Variants in CACNA1A observed in about 807,000 individuals in gnomAD.
The protein encoded by CACNA1A is voltage-dependent P/Q-type calcium channel subunit alpha-1A.
Under a neutral mutation model 262.4 loss-of-function variants are expected in CACNA1A, and 57 were observed. That is an observed-to-expected ratio of 0.22 (90% CI 0.18 to 0.27). CACNA1A has a LOEUF of 0.27. Ranked by LOEUF, CACNA1A falls within the 10% of genes least tolerant of loss-of-function variation. The probability of loss-of-function intolerance (pLI) is 1.00; values close to 1 mark genes in which losing one functional copy is unlikely to be tolerated. For missense variants in CACNA1A, 2,526 were observed against 3,562.8 expected, an observed-to-expected ratio of 0.71 and a Z score of 7.41; for synonymous variants, 1,431 against 1,419.3, an observed-to-expected ratio of 1.01 and a Z score of -0.18.
At chr19:13,303,020 T>C (rs1004494975) in intron 17 of CACNA1A, among the ~76,000 whole-genome samples, 6 of 152,112 alleles carry the variant, frequency 3.9e-5, no homozygotes, top group Non-Finnish European at 8.8e-5. Context: ...GGAGGCTAGC[T>C]CTTAACATGC....
chr19:13,456,629 G>A (rs1181228140), intron 1 of CACNA1A, among the ~76,000 whole-genome samples: 2 of 151,750 alleles, frequency 1.3e-5, no homozygotes, highest in Non-Finnish European at 2.9e-5. Context: ...AGCCAAGATC[G>A]TGCCACTGCA....
chr19:13,269,956 G>A (rs993264184), intron 24 of CACNA1A, among the ~76,000 whole-genome samples: 2 of 152,214 alleles, frequency 1.3e-5, no homozygotes, highest in African/African-American at 4.8e-5. Context: ...AGAATGGCAA[G>A]GTTCCTTTCA....
chr19:13,210,575 G>A (rs1360546716), intron 44 of CACNA1A, 42 bp downstream of exon 44: 8 of 1,534,998 alleles, frequency 5.2e-6, no homozygotes, highest in Non-Finnish European at 7.0e-6. Flanking sequence ...GAGGAAGAGG[G>A]GGCCGGAGCC....
chr19:13,207,487 C>T lies in CACNA1A; in HGVS notation c.7347G>A (p.Gly2449=). Residue 2449 remains glycine, a synonymous_variant, in exon 47 of 47, where the codon GGG becomes GGA. Transcript: ENST00000360228. The surrounding 1 kb of genome is among the most constrained non-coding windows in gnomAD (Gnocchi z 5.7). ...AGGCCCGGGGAGTCCTGGGCGAGCG[C>T]CCGGTGGCGCCCGAGGACGCGTGTC... ...PVRHASSGAT[G]RSPRTPRASG... is the part of the protein sequence containing the mutation. 1 of 1,424,430 alleles carries T rather than the reference C, an allele frequency of 7.0e-7. No homozygotes were observed. The highest frequency in any genetic ancestry group is 9.1e-7 in the Non-Finnish European group (1 of 1,095,606). 88.2% of individuals were successfully genotyped at this position (1,424,430 alleles called of 1,614,324 possible). A position where few individuals can be genotyped will look rare whatever the true frequency, so the allele number is the denominator to read the frequency against.
Position 13,207,439 on chromosome 19 carries a change from A to C in CACNA1A, c.7395T>G (p.Pro2465=), listed in dbSNP as rs1399941606. 13 of 1,518,256 alleles carry C rather than the reference A, an allele frequency of 8.6e-6. No homozygotes were observed. The highest frequency in any genetic ancestry group is 2.6e-5 in the East Asian group (1 of 39,084). The allele number at this position is 1,518,256 out of a possible 1,614,324, so 94.0% of individuals were successfully genotyped here. ...PRASGPACAS[P]SRHGRRLPNG... is the part of the protein sequence containing the mutation. ...TGGGGAGTCGCCGGCCGTGCCGAGA[A>C]GGCGAGGCGCAGGCCGGGCCCGAGG... The change falls in exon 47 of 47, where the codon CCT becomes CCG. Residue 2465 remains proline (P), a synonymous_variant. Coordinates refer to ENST00000360228, the MANE Select transcript of CACNA1A (RefSeq NM_001127222.2). This position sits in a 1 kb window ranked among gnomAD's most constrained non-coding sequence, Gnocchi z 5.7.
At position 13,207,280 on chromosome 19, in the gene CACNA1A, TGG is replaced by T. The variant is rs747048875; in HGVS notation, c.*31_*32del. ...GGGTGGGGTGTGTGCGTGGGGTGCG[TGG>T]GGGGCCGGGCGGGCGCCACCTCGCC... On this transcript the variant is annotated 3_prime_UTR_variant, in exon 47 of 47. Coordinates refer to ENST00000360228, the MANE Select transcript of CACNA1A (RefSeq NM_001127222.2). This position sits in a 1 kb window ranked among gnomAD's most constrained non-coding sequence, Gnocchi z 5.7. 2.0e-6 allele frequency: 3 copies of T among 1,521,734 alleles called. No individual in the cohort carries two copies. Among genetic ancestry groups the T allele is most frequent in the Non-Finnish European group, 2.6e-6 (3 of 1,139,912 alleles). The allele number at this position is 1,521,734 out of a possible 1,614,324, so 94.3% of individuals were successfully genotyped here.
intron 3 of CACNA1A, among the ~76,000 whole-genome samples, chr19:13,399,492 C>T (rs2059863845): frequency 6.6e-6 from 1 of 151,818 alleles, no homozygotes; most frequent in Non-Finnish European, 1.5e-5. Flanking sequence ...CAAAATGAAC[C>T]TGAACCATAT....
chr19:13,207,311 G>C lies in CACNA1A; in HGVS notation c.*2C>G. 1 of 1,555,150 alleles carries C rather than the reference G, an allele frequency of 6.4e-7. No individual in the cohort carries two copies. Among genetic ancestry groups the C allele is most frequent in the Non-Finnish European group, 8.6e-7 (1 of 1,158,000 alleles). Reference sequence around the variant, plus strand: ...GCCGGGCGGGCGCCACCTCGCCCGGGCTTAGCACCAATCATCGTCACTCTC... The same window carrying C: ...GCCGGGCGGGCGCCACCTCGCCCGGCCTTAGCACCAATCATCGTCACTCTC... On this transcript the variant is annotated 3_prime_UTR_variant, in exon 47 of 47. Transcript: ENST00000360228. The surrounding 1 kb of genome is among the most constrained non-coding windows in gnomAD (Gnocchi z 5.7).
chr19:13,467,604 TTTC>T (rs1416802888), intron 1 of CACNA1A, among the ~76,000 whole-genome samples: 338 of 133,674 alleles, frequency 2.5e-3, no homozygotes, highest in Admixed American at 6.8e-3. Context: ...GACTTTTTCT[TTTC>T]TTTTTTTTTT....
At chr19:13,348,274 A>G (rs1247404666) in intron 6 of CACNA1A, among the ~76,000 whole-genome samples, 1 of 152,176 alleles carries the variant, frequency 6.6e-6, no homozygotes, top group Non-Finnish European at 1.5e-5. Context: ...TGCTTTTCTA[A>G]TTGACATTCA....
At chr19:13,320,276 A>AG (rs1600321519) in intron 10 of CACNA1A, among the ~76,000 whole-genome samples, 1 of 102,530 alleles carries the variant, frequency 9.8e-6, no homozygotes, top group African/African-American at 3.4e-5. Flanking sequence ...GAGAGAGAGA[A>AG]ACCACAGCAG....
chr19:13,242,484 CAG>C (rs2056106326), intron 31 of CACNA1A, among the ~76,000 whole-genome samples: 1 of 151,952 alleles, frequency 6.6e-6, no homozygotes, highest in South Asian at 2.1e-4. Context: ...TTAGTAGGGA[CAG>C]AGTTTCACCA....
At chr19:13,453,600 T>C (rs1025744326) in intron 2 of CACNA1A, among the ~76,000 whole-genome samples, 3 of 152,254 alleles carry the variant, frequency 2.0e-5, no homozygotes, top group Admixed American at 6.5e-5. Flanking sequence ...AGGTTTGGAA[T>C]AGGACTTCTG....
At chr19:13,434,682 A>C (rs2060579805) in intron 3 of CACNA1A, among the ~76,000 whole-genome samples, 1 of 152,178 alleles carries the variant, frequency 6.6e-6, no homozygotes, top group Admixed American at 6.5e-5. Flanking sequence ...AGGCCTTCCC[A>C]GAAGCTGAGC....
In CACNA1A at chr19:13,241,606, A is replaced by G. The variant is rs1367905293; in HGVS notation, c.4950+3576T>C. On this transcript the variant is annotated intron_variant, in intron 31 of 46. Transcript: ENST00000360228. The surrounding 1 kb of genome is among the most constrained non-coding windows in gnomAD (Gnocchi z 4.0). ...GGCGTGTTCAGCATTTTTTAGGTTG[A>G]TTTGTAACCAGTGCCAAAAAACCAA... 2 of 814,396 alleles carry G rather than the reference A, an allele frequency of 2.5e-6. No homozygotes were observed. Among genetic ancestry groups the G allele is most frequent in the Admixed American group, 4.2e-5 (2 of 47,770 alleles). 50.4% of individuals were successfully genotyped at this position (814,396 alleles called of 1,614,324 possible).
intron 7 of CACNA1A, among the ~76,000 whole-genome samples, chr19:13,335,571 T>A (rs898641010): frequency 3.9e-5 from 6 of 152,114 alleles, no homozygotes; most frequent in Non-Finnish European, 1.5e-5. Context: ...ACTATTGGTT[T>A]TTAAAAAAAA....
At chr19:13,465,733 C>T (rs1442568418) in intron 1 of CACNA1A, among the ~76,000 whole-genome samples, 1 of 152,180 alleles carries the variant, frequency 6.6e-6, no homozygotes, top group African/African-American at 2.4e-5. Context: ...AAGCGATCCG[C>T]CCACCTCAGC....
chr19:13,325,234 C>T (rs8102040), intron 10 of CACNA1A, among the ~76,000 whole-genome samples: 18,120 of 145,484 alleles, frequency 0.12, 2,146 homozygotes, highest in African/African-American at 0.31. Context: ...TACAGTGTCT[C>T]ACACCTGTAA....
intron 3 of CACNA1A, among the ~76,000 whole-genome samples, chr19:13,386,893 G>A (rs2059625099): frequency 6.6e-6 from 1 of 152,096 alleles, no homozygotes; most frequent in Non-Finnish European, 1.5e-5. Context: ...AAAGATGGAA[G>A]GACTCTTTGG....
Sources: allele counts gnomAD v4.1 joint callset (sites outside exome capture counted in the v4.1 genomes callset), GRCh38; gene constraint gnomAD v4.1.1; non-coding constraint Gnocchi (gnomAD v3.1); transcripts MANE v1.5; gene names NCBI Gene and HGNC (gene_info 2026-07-23, HGNC 2026-07-21).